Variants in SAMMSON observed in about 807,000 individuals in gnomAD.
SAMMSON encodes the protein long intergenic non-protein coding RNA 1212.
intron 6 of SAMMSON, among the ~76,000 whole-genome samples, chr3:70,290,765 C>T (rs1397949851): frequency 6.6e-6 from 1 of 152,056 alleles, no homozygotes; most frequent in Non-Finnish European, 1.5e-5. Flanking sequence ...TCTCGTGGTG[C>T]GCCGTTTTTT....
In SAMMSON at chr3:70,186,823, C is replaced by G. The variant is rs79422602; in HGVS notation, n.508-62284C>G. On this transcript the variant is annotated intron_variant and non_coding_transcript_variant, in intron 4 of 9. Transcript: ENST00000642114. Reference sequence around the variant, plus strand: ...TTGCCATTCTTTTATATTTATTTGTCAGAGGGAGTCTTTTCCTAGCTCTTG... The same window carrying G: ...TTGCCATTCTTTTATATTTATTTGTGAGAGGGAGTCTTTTCCTAGCTCTTG... Among the ~76,000 whole-genome samples, 387 of 152,262 alleles carry G rather than the reference C, an allele frequency of 2.5e-3. 1 individual carries two copies. Among genetic ancestry groups the G allele is most frequent in the Middle Eastern group, 0.01 (3 of 294 alleles).
intron 2 of SAMMSON, among the ~76,000 whole-genome samples, chr3:70,426,669 T>C (rs1701371848): frequency 6.6e-6 from 1 of 152,208 alleles, no homozygotes; most frequent in African/African-American, 2.4e-5. Flanking sequence ...ATCAGAGTCA[T>C]TTCCATGCCA....
chr3:70,254,624 A>T (rs866501279), intron 6 of SAMMSON, among the ~76,000 whole-genome samples: 1 of 152,206 alleles, frequency 6.6e-6, no homozygotes, highest in Admixed American at 6.5e-5. Context: ...ACAATTTTCC[A>T]CTATGAAATC....
At chr3:70,221,602 C>T (rs1701460420) in intron 4 of SAMMSON, among the ~76,000 whole-genome samples, 1 of 152,118 alleles carries the variant, frequency 6.6e-6, no homozygotes, top group African/African-American at 2.4e-5. Flanking sequence ...TACCTACAGG[C>T]ATTCCTTCTG....
intron 6 of SAMMSON, among the ~76,000 whole-genome samples, chr3:70,252,260 C>T (rs1211783620): frequency 6.6e-6 from 1 of 152,160 alleles, no homozygotes; most frequent in Non-Finnish European, 1.5e-5. Context: ...CAATGTATGA[C>T]TTAGGCTTAA....
At chr3:70,039,637 ACACACAC>A (rs2067099187) in intron 3 of SAMMSON, among the ~76,000 whole-genome samples, 1 of 127,332 alleles carries the variant, frequency 7.9e-6, no homozygotes, top group South Asian at 2.6e-4. Flanking sequence ...ACACACACAC[ACACACAC>A]TTTCTATTGG....
chr3:70,258,366 A>G (rs1701836403), intron 6 of SAMMSON, among the ~76,000 whole-genome samples: 1 of 152,042 alleles, frequency 6.6e-6, no homozygotes, highest in Non-Finnish European at 1.5e-5. Context: ...TATGAAGAGA[A>G]TATTTACAGT....
chr3:70,206,632 C>T, intron 4 of SAMMSON: 1 of 397,832 alleles, frequency 2.5e-6, no homozygotes. Context: ...GTTTGGCATT[C>T]TTCAAGGGAG....
intron 6 of SAMMSON, chr3:70,283,983 C>A (rs996335133): frequency 6.6e-6 from 1 of 152,080 alleles, no homozygotes; most frequent in Non-Finnish European, 1.5e-5. Context: ...TCCCACCACC[C>A]TACTGTCATA....
intron 3 of SAMMSON, among the ~76,000 whole-genome samples, chr3:70,037,955 C>T (rs1218071458): frequency 6.6e-6 from 1 of 152,154 alleles, no homozygotes; most frequent in Non-Finnish European, 1.5e-5. Flanking sequence ...CTGGCACTTC[C>T]ATACTGGGGA....
intron 3 of SAMMSON, among the ~76,000 whole-genome samples, chr3:70,040,753 A>G (rs114052804): frequency 7.3e-4 from 111 of 152,252 alleles, no homozygotes; most frequent in Non-Finnish European, 1.4e-3. Flanking sequence ...CCTGCCAATC[A>G]TGGTGGCTAA....
intron 4 of SAMMSON, among the ~76,000 whole-genome samples, chr3:70,178,992 C>G (rs1476076606): frequency 2.0e-5 from 3 of 152,020 alleles, no homozygotes; most frequent in Non-Finnish European, 4.4e-5. Flanking sequence ...CAAAGCAAGG[C>G]CCTGTCTCAA....
At chr3:70,105,102 T>A (rs1281456611) in intron 4 of SAMMSON, among the ~76,000 whole-genome samples, 3 of 152,140 alleles carry the variant, frequency 2.0e-5, no homozygotes, top group Non-Finnish European at 2.9e-5. Flanking sequence ...TTTTTTCTCC[T>A]TTCATAGTCT....
chr3:70,174,362 G>A (rs551743023), intron 4 of SAMMSON, among the ~76,000 whole-genome samples: 53 of 152,076 alleles, frequency 3.5e-4, no homozygotes, highest in African/African-American at 1.2e-3. Context: ...AGTGTAAGTG[G>A]TTAAATAGGG....
At chr3:70,264,316 C>T (rs1416776104) in intron 6 of SAMMSON, among the ~76,000 whole-genome samples, 2 of 152,112 alleles carry the variant, frequency 1.3e-5, no homozygotes, top group African/African-American at 2.4e-5. Context: ...ACAATGCAGG[C>T]CTTTATCACG....
rs1315344427 is a variant in SAMMSON, at chr3:70,061,210, G to C, written n.418-10266G>C. 3.3e-5 allele frequency among the ~76,000 whole-genome samples: 5 copies of C among 152,136 alleles called. No homozygotes were observed. In the South Asian group the frequency reaches 1.0e-3, roughly 32 times the overall value. The stretch of plus-strand genomic sequence containing the variant: ...GGGAGAAAAATGAATTTGGGTTTGC[G>C]TGTGTTGTGGTTGAGATACCGACAG... On this transcript the variant is annotated intron_variant and non_coding_transcript_variant, in intron 3 of 9. Coordinates refer to ENST00000642114, the Ensembl canonical transcript of SAMMSON.
intron 4 of SAMMSON, among the ~76,000 whole-genome samples, chr3:70,103,750 T>A (rs1197504998): frequency 6.6e-6 from 1 of 152,288 alleles, no homozygotes; most frequent in Non-Finnish European, 1.5e-5. Context: ...AGGCATCTAA[T>A]CTTTAACTAG....
At chr3:70,150,454 C>T (rs975357543) in intron 4 of SAMMSON, among the ~76,000 whole-genome samples, 9 of 152,026 alleles carry the variant, frequency 5.9e-5, no homozygotes, top group East Asian at 1.9e-4. Flanking sequence ...CCAAGTATCA[C>T]GTACCCCTTG....
rs146572601 is a variant in SAMMSON at position 70,110,053 on chromosome 3, G to A, written n.507+38488G>A. Among the ~76,000 whole-genome samples the A allele has an allele frequency of 6.5e-4, 99 of 152,326 alleles. No individual in the cohort carries two copies. The East Asian group carries it at 9.8e-3, about 15-fold the overall frequency. ...TACAGTGTTTGATACATTAGTGATC[G>A]TGATAACCACAGGGTGCTGTAGGAG... On this transcript the variant is annotated intron_variant and non_coding_transcript_variant, in intron 4 of 9. Transcript: ENST00000642114.
Sources: gnomAD v4.1 joint callset for allele counts (sites outside exome capture counted in the v4.1 genomes callset) on GRCh38, gnomAD v4.1.1 for gene constraint, MANE v1.5 for transcripts, NCBI Gene and HGNC (gene_info 2026-07-23, HGNC 2026-07-21) for gene names.